The following ZFHX3 variants were observed in gnomAD, a reference collection of about 807,000 sequenced individuals.
ZFHX3 encodes zinc finger homeobox 3.
ZFHX3 carries 42 observed loss-of-function variants against 279.1 expected under a neutral mutation model. That is an observed-to-expected ratio of 0.15 (90% confidence interval 0.12 to 0.19). ZFHX3 has a LOEUF of 0.19. Among genes scored for constraint, ZFHX3 ranks in the 10% least tolerant of loss-of-function variants. The probability of loss-of-function intolerance (pLI) is 1.00; values close to 1 mark genes in which losing one functional copy is unlikely to be tolerated. For missense variants in ZFHX3, 4,981 were observed against 4,754.0 expected, an observed-to-expected ratio of 1.05 and a Z score of -1.40; for synonymous variants, 2,293 against 1,957.8, an observed-to-expected ratio of 1.17 and a Z score of -4.52.
intron 1 of ZFHX3, among the ~76,000 whole-genome samples, chr16:73,724,711 C>T (rs2053504003): frequency 6.6e-6 from 1 of 152,240 alleles, no homozygotes; most frequent in Non-Finnish European, 1.5e-5. Flanking sequence ...TCGGTTTTGG[C>T]TCAAGACCTC....
chr16:73,856,419 C>T (rs897568913), intron 1 of ZFHX3, among the ~76,000 whole-genome samples: 1 of 152,154 alleles, frequency 6.6e-6, no homozygotes, highest in Non-Finnish European at 1.5e-5. Context: ...ATCTACTCCC[C>T]CCAACCCCCA....
At chr16:73,324,572 T>C (rs974598824) in intron 3 of ZFHX3, among the ~76,000 whole-genome samples, 2 of 152,192 alleles carry the variant, frequency 1.3e-5, no homozygotes, top group African/African-American at 4.8e-5. Flanking sequence ...AAGAAGAGAA[T>C]GCAATGATGA....
chr16:73,066,073 C>G (rs1965748297), intron 8 of ZFHX3, among the ~76,000 whole-genome samples: 1 of 152,200 alleles, frequency 6.6e-6, no homozygotes, highest in South Asian at 2.1e-4. Context: ...CCGGGCTACC[C>G]GTGGGGTGGC....
At chr16:73,392,760 T>C (rs1336132552) in intron 3 of ZFHX3, among the ~76,000 whole-genome samples, 2 of 152,256 alleles carry the variant, frequency 1.3e-5, no homozygotes, top group African/African-American at 2.4e-5. Context: ...GTTTCTCTGT[T>C]GGCTGTCTCA....
At chr16:73,053,184 T>G (rs1329231659) in intron 1 of ZFHX3, among the ~76,000 whole-genome samples, 4 of 152,176 alleles carry the variant, frequency 2.6e-5, no homozygotes, top group Admixed American at 2.0e-4. Context: ...ATCCTGCTTT[T>G]CTTTTCTTTT....
intron 3 of ZFHX3, among the ~76,000 whole-genome samples, chr16:73,454,113 C>A (rs1250130195): frequency 6.6e-6 from 1 of 152,122 alleles, no homozygotes; most frequent in Non-Finnish European, 1.5e-5. Context: ...TACCCAAATT[C>A]TTGATTCTTT....
intron 7 of ZFHX3, among the ~76,000 whole-genome samples, chr16:73,100,027 A>G (rs1351295012): frequency 6.6e-6 from 1 of 152,156 alleles, no homozygotes; most frequent in Non-Finnish European, 1.5e-5. Context: ...ACACATGAGG[A>G]CAGGGTGGGG....
intron 2 of ZFHX3, among the ~76,000 whole-genome samples, chr16:73,462,115 A>T (rs1248292948): frequency 2.6e-5 from 4 of 151,938 alleles, no homozygotes. Context: ...ATTTTTTTTT[A>T]GCTATGGTAC....
intron 1 of ZFHX3, among the ~76,000 whole-genome samples, chr16:73,757,960 T>G (rs759469677): frequency 3.9e-5 from 6 of 152,144 alleles, no homozygotes; most frequent in Non-Finnish European, 7.3e-5. Context: ...ATTATTTCAG[T>G]AAAAATGCCT....
chr16:73,451,685 G>A (rs543184630), intron 3 of ZFHX3, among the ~76,000 whole-genome samples: 2 of 152,126 alleles, frequency 1.3e-5, no homozygotes, highest in South Asian at 2.1e-4. Context: ...TAAGATTTTT[G>A]CCTCTTTTAA....
chr16:73,108,112 G>T (rs1331937550), intron 7 of ZFHX3, among the ~76,000 whole-genome samples: 1 of 152,158 alleles, frequency 6.6e-6, no homozygotes, highest in Non-Finnish European at 1.5e-5. Context: ...AGTGAGCCGA[G>T]ATTGTGCCAC....
chr16:73,673,539 T>A (rs1268933364), intron 2 of ZFHX3, among the ~76,000 whole-genome samples: 1 of 151,634 alleles, frequency 6.6e-6, no homozygotes, highest in Non-Finnish European at 1.5e-5. Flanking sequence ...CCACCCGAGA[T>A]AAAAAAGCTA....
chr16:73,803,872 AG>A (rs1338455438), intron 1 of ZFHX3, among the ~76,000 whole-genome samples: 1 of 152,224 alleles, frequency 6.6e-6, no homozygotes, highest in Non-Finnish European at 1.5e-5. Context: ...TCAAATTACT[AG>A]AAACAGCCAG....
At chr16:73,466,590 G>A (rs979621412) in intron 2 of ZFHX3, among the ~76,000 whole-genome samples, 1 of 152,070 alleles carries the variant, frequency 6.6e-6, no homozygotes, top group Non-Finnish European at 1.5e-5. Context: ...TTTCTTATCC[G>A]GAAAAGGGAA....
At chr16:73,176,950 C>A (rs1814031863) in intron 5 of ZFHX3, among the ~76,000 whole-genome samples, 1 of 152,056 alleles carries the variant, frequency 6.6e-6, no homozygotes, top group Non-Finnish European at 1.5e-5. Context: ...GCAGCATCAG[C>A]ATGACTAAGT....
At chr16:73,810,147 C>A (rs1430510195) in intron 1 of ZFHX3, among the ~76,000 whole-genome samples, 1 of 152,102 alleles carries the variant, frequency 6.6e-6, no homozygotes, top group African/African-American at 2.4e-5. Flanking sequence ...TGGGCACAGC[C>A]ACCCCGCCAC....
At chr16:73,590,937 C>T (rs2051988185) in intron 2 of ZFHX3, among the ~76,000 whole-genome samples, 1 of 152,102 alleles carries the variant, frequency 6.6e-6, no homozygotes, top group Admixed American at 6.5e-5. Flanking sequence ...CAGTATCCAG[C>T]TAAGCCTGTA....
At chr16:73,777,048 A>T (rs1451369286) in intron 1 of ZFHX3, among the ~76,000 whole-genome samples, 1 of 152,158 alleles carries the variant, frequency 6.6e-6, no homozygotes, top group African/African-American at 2.4e-5. Flanking sequence ...GCATTCCCCT[A>T]TTTCACAAGC....
chr16:72,837,192 C>G (rs2037214109), intron 4 of ZFHX3, among the ~76,000 whole-genome samples: 1 of 152,208 alleles, frequency 6.6e-6, no homozygotes, highest in Non-Finnish European at 1.5e-5. Context: ...CATTTTCTCA[C>G]CCACTTAATC....
Sources: gnomAD v4.1 joint callset for allele counts (sites outside exome capture counted in the v4.1 genomes callset) on GRCh38, gnomAD v4.1.1 for gene constraint, MANE v1.5 for transcripts, NCBI Gene and HGNC (gene_info 2026-07-23, HGNC 2026-07-21) for gene names.